Variants in LMNTD1 observed in about 807,000 individuals in gnomAD.
The protein encoded by LMNTD1 is lamin tail domain-containing protein 1.
In LMNTD1, 35 loss-of-function variants were observed where a neutral mutation model predicts 50.9. That is an observed-to-expected ratio of 0.69 (90% CI 0.53 to 0.91). The LOEUF (loss-of-function observed/expected upper bound fraction) is 0.91, where lower values mean the gene tolerates loss of function less well. LMNTD1 is among the 40% of genes least tolerant of loss of function. The pLI, the probability that LMNTD1 is intolerant of heterozygous loss-of-function variation, is 0.00. For synonymous variants in LMNTD1, 153 were observed against 161.9 expected, an observed-to-expected ratio of 0.94 and a Z score of 0.42; for missense variants, 470 against 475.5, an observed-to-expected ratio of 0.99 and a Z score of 0.11.
chr12:25,601,608 C>T (rs996933770), intron 1 of LMNTD1, among the ~76,000 whole-genome samples: 2 of 151,888 alleles, frequency 1.3e-5, no homozygotes, highest in African/African-American at 4.8e-5. Context: ...TATGTACCCA[C>T]AAAAATTAAA....
chr12:25,571,236 A>G (rs2136355129), intron 1 of LMNTD1, among the ~76,000 whole-genome samples: 1 of 152,368 alleles, frequency 6.6e-6, no homozygotes, highest in African/African-American at 2.4e-5. Flanking sequence ...AAGGTAAATG[A>G]CATTCCTGAA....
intron 4 of LMNTD1, among the ~76,000 whole-genome samples, chr12:25,528,640 A>T (rs1380757470): frequency 6.6e-6 from 1 of 152,098 alleles, no homozygotes; most frequent in Non-Finnish European, 1.5e-5. Flanking sequence ...AGAATAGTGT[A>T]TTTCCCTGCT....
At chr12:25,571,141 G>A (rs1944772573) in intron 1 of LMNTD1, among the ~76,000 whole-genome samples, 1 of 152,056 alleles carries the variant, frequency 6.6e-6, no homozygotes, top group Non-Finnish European at 1.5e-5. Flanking sequence ...CTAGTTCTGA[G>A]TAGACCAGTT....
intron 1 of LMNTD1, among the ~76,000 whole-genome samples, chr12:25,614,017 G>C (rs1183975153): frequency 6.6e-6 from 1 of 151,876 alleles, no homozygotes; most frequent in South Asian, 2.1e-4. Context: ...CAAAGGAAGA[G>C]AGTGGTTTCC....
At chr12:25,607,862 G>C (rs1010318219) in intron 1 of LMNTD1, among the ~76,000 whole-genome samples, 6 of 152,206 alleles carry the variant, frequency 3.9e-5, no homozygotes, top group African/African-American at 1.2e-4. Flanking sequence ...ACTTGGTGCA[G>C]AGCTGAGTTC....
chr12:25,500,861 G>A (rs1417420645), intron 9 of LMNTD1, among the ~76,000 whole-genome samples: 4 of 152,174 alleles, frequency 2.6e-5, no homozygotes, highest in Non-Finnish European at 4.4e-5. Flanking sequence ...TCTTTGTAAG[G>A]TACTGAGTAA....
intron 1 of LMNTD1, among the ~76,000 whole-genome samples, chr12:25,646,934 C>T (rs1386487842): frequency 1.3e-5 from 2 of 152,104 alleles, no homozygotes; most frequent in Non-Finnish European, 2.9e-5. Flanking sequence ...TCTATTAAAT[C>T]TGAGAGGTTG....
At chr12:25,614,096 A>T (rs1359982578) in intron 1 of LMNTD1, among the ~76,000 whole-genome samples, 1 of 152,112 alleles carries the variant, frequency 6.6e-6, no homozygotes, top group Admixed American at 6.6e-5. Context: ...ATCTAAAAAA[A>T]GTGTCCATTG....
chr12:25,542,745 A>G (rs1943172650), intron 4 of LMNTD1, among the ~76,000 whole-genome samples: 2 of 81,058 alleles, frequency 2.5e-5, no homozygotes, highest in Admixed American at 2.9e-4. Context: ...TTAAATAAAA[A>G]AAGAAGAAAA....
intron 8 of LMNTD1, among the ~76,000 whole-genome samples, chr12:25,505,458 A>C (rs1349851854): frequency 6.6e-6 from 1 of 152,172 alleles, no homozygotes; most frequent in Non-Finnish European, 1.5e-5. Flanking sequence ...CCATTAAAGA[A>C]ACGTTTATTT....
intron 1 of LMNTD1, among the ~76,000 whole-genome samples, chr12:25,625,901 C>G (rs1946579206): frequency 6.6e-6 from 1 of 152,200 alleles, no homozygotes; most frequent in South Asian, 2.1e-4. Context: ...CTCAAGGTCA[C>G]AGACTTGGAG....
rs544064551 is a variant in LMNTD1 at position 25,535,309 on chromosome 12, T to C, written c.492-8354A>G. On this transcript the variant is annotated intron_variant, in intron 4 of 9. Transcript: ENST00000458174. The stretch of plus-strand genomic sequence containing the variant: ...TAAAAAGATAAAAAATAACAGAGCA[T>C]TAGTAAACTATGGTACAACTTCAAG... Among the ~76,000 whole-genome samples the C allele has an allele frequency of 1.2e-4, 19 of 152,150 alleles. No individual in the cohort carries two copies. In the East Asian group the frequency reaches 3.3e-3, roughly 26 times the overall value.
At chr12:25,629,647 A>T (rs1446633992) in intron 1 of LMNTD1, among the ~76,000 whole-genome samples, 4 of 152,168 alleles carry the variant, frequency 2.6e-5, no homozygotes, top group Admixed American at 2.6e-4. Context: ...AAGGGGATTG[A>T]TTTTATTTGG....
chr12:25,590,522 G>A (rs768313320), intron 1 of LMNTD1, among the ~76,000 whole-genome samples: 8 of 152,182 alleles, frequency 5.3e-5, no homozygotes, highest in Non-Finnish European at 1.0e-4. Flanking sequence ...ACTGGTCCCA[G>A]AGCCAGTGGA....
chr12:25,647,523 T>TA (rs1396988063), intron 1 of LMNTD1, among the ~76,000 whole-genome samples: 1 of 152,162 alleles, frequency 6.6e-6, no homozygotes, highest in East Asian at 1.9e-4. Flanking sequence ...AATGAAAAAA[T>TA]AAAATTTCTA....
intron 1 of LMNTD1, among the ~76,000 whole-genome samples, chr12:25,559,003 C>T (rs1375291511): frequency 1.3e-5 from 2 of 150,300 alleles, no homozygotes; most frequent in African/African-American, 2.5e-5. Context: ...TTTTAGAATG[C>T]TAATCCCCCA....
intron 1 of LMNTD1, among the ~76,000 whole-genome samples, chr12:25,585,640 C>T (rs906981802): frequency 1.3e-5 from 2 of 152,136 alleles, no homozygotes; most frequent in African/African-American, 4.8e-5. Context: ...GTAAATGTGC[C>T]AAAGTTTAAT....
At chr12:25,547,244 A>G (rs1565465696) in intron 3 of LMNTD1, 1 of 893,554 alleles carries the variant, frequency 1.1e-6, no homozygotes, top group Non-Finnish European at 1.3e-6. Flanking sequence ...ACGCGTCGTG[A>G]TGAAGTGGAA....
intron 1 of LMNTD1, among the ~76,000 whole-genome samples, chr12:25,645,266 C>T (rs889740458): frequency 6.6e-6 from 1 of 152,064 alleles, no homozygotes; most frequent in Admixed American, 6.5e-5. Context: ...AGAAATGGGT[C>T]ATGAATTGTA....
Sources: gnomAD v4.1 joint callset for allele counts (sites outside exome capture counted in the v4.1 genomes callset) on GRCh38, gnomAD v4.1.1 for gene constraint, MANE v1.5 for transcripts, NCBI Gene and HGNC (gene_info 2026-07-23, HGNC 2026-07-21) for gene names.